Variants in BIRC2 observed in about 807,000 individuals in gnomAD.
BIRC2 encodes baculoviral IAP repeat containing 2.
BIRC2 carries 18 observed loss-of-function variants against 60.9 expected under a neutral mutation model. The observed-to-expected ratio is 0.30, with a 90% CI of 0.20 to 0.44. The LOEUF is 0.44. Ranked by LOEUF, BIRC2 falls within the 20% of genes least tolerant of loss-of-function variation. The probability of loss-of-function intolerance (pLI) is 1.00; values close to 1 mark genes in which losing one functional copy is unlikely to be tolerated. For synonymous variants in BIRC2, 282 were observed against 247.7 expected (o/e 1.14, Z -1.30); for missense variants, 701 against 728.5 (o/e 0.96, Z 0.43).
chr11:102,353,983 A>G (rs1286375259), intron 3 of BIRC2, among the ~76,000 whole-genome samples: 1 of 152,056 alleles, frequency 6.6e-6, no homozygotes, highest in Non-Finnish European at 1.5e-5. Flanking sequence ...TGAAGTCCAG[A>G]AGTTGACTCT....
chr11:102,361,840 C>CTT (rs11225226), intron 3 of BIRC2, among the ~76,000 whole-genome samples: 10,109 of 139,332 alleles, frequency 0.073, 501 homozygotes, highest in African/African-American at 0.13. Flanking sequence ...GTTATTCTCC[C>CTT]TTTTTTTTTT....
intron 3 of BIRC2, among the ~76,000 whole-genome samples, chr11:102,355,725 A>G (rs1951412689): frequency 6.6e-6 from 1 of 152,222 alleles, no homozygotes; most frequent in African/African-American, 2.4e-5. Context: ...CATTTTAACA[A>G]TATTCTTATA....
intron 3 of BIRC2, among the ~76,000 whole-genome samples, chr11:102,354,585 C>A (rs995025684): frequency 6.6e-6 from 1 of 152,184 alleles, no homozygotes; most frequent in Non-Finnish European, 1.5e-5. Context: ...CTCTGAGATA[C>A]TGATTTCATT....
At chr11:102,368,245 T>TA in intron 5 of BIRC2, 61 bp from the exon 6 acceptor site, 1 of 1,540,564 alleles carries the variant, frequency 6.5e-7, no homozygotes, top group Non-Finnish European at 8.8e-7. Flanking sequence ...TGTGCCATGA[T>TA]ACTTTTTTCC....
chr11:102,362,613 C>A, intron 3 of BIRC2: 1 of 281,132 alleles, frequency 3.6e-6, no homozygotes, highest in Non-Finnish European at 6.8e-6. Context: ...TAATAGTGTT[C>A]TTCAGGAGTC....
intron 4 of BIRC2, among the ~76,000 whole-genome samples, 178 bp downstream of exon 4, chr11:102,363,152 G>A (rs1951504940): frequency 6.6e-6 from 1 of 152,056 alleles, no homozygotes; most frequent in African/African-American, 2.4e-5. Flanking sequence ...TTAATTGTAG[G>A]TACATACTTT....
At position 102,378,320 on chromosome 11, in the gene BIRC2, A is replaced by G. The variant is rs1951737357; in HGVS notation, c.*137A>G. ...CATGTTCTAGTCTGCTTTGGTACTA[A>G]TAATCTTGTTTCTGAAAAGATGGTA... On this transcript the variant is annotated 3_prime_UTR_variant, in exon 9 of 9. Coordinates refer to ENST00000227758, the MANE Select transcript of BIRC2 (RefSeq NM_001166.5). 1 of 641,114 alleles carries G rather than the reference A, an allele frequency of 1.6e-6. No individual in the cohort carries two copies. The highest frequency in any genetic ancestry group is 3.0e-5 in the East Asian group (1 of 33,574). 39.7% of individuals were successfully genotyped at this position (641,114 alleles called of 1,614,324 possible).
intron 3 of BIRC2, among the ~76,000 whole-genome samples, chr11:102,357,670 C>G (rs1295194276): frequency 6.6e-6 from 1 of 151,938 alleles, no homozygotes; most frequent in East Asian, 1.9e-4. Flanking sequence ...TTATTTTCGT[C>G]TTCCTTTTTA....
At chr11:102,352,102 C>CTTTTTTTTTTT (rs769740458) in intron 3 of BIRC2, among the ~76,000 whole-genome samples, 1 of 137,560 alleles carries the variant, frequency 7.3e-6, no homozygotes, top group Admixed American at 7.3e-5. Context: ...TTGTCTTTCT[C>CTTTTTTTTTTT]TTTTTTTTTT....
At chr11:102,376,668 T>C (rs1358207963) in intron 6 of BIRC2, among the ~76,000 whole-genome samples, 1 of 152,152 alleles carries the variant, frequency 6.6e-6, no homozygotes, top group African/African-American at 2.4e-5. Context: ...GGAAAAACAT[T>C]GGCTTTTTAA....
intron 3 of BIRC2, among the ~76,000 whole-genome samples, chr11:102,356,564 G>A (rs910574548): frequency 1.3e-5 from 2 of 151,606 alleles, no homozygotes; most frequent in African/African-American, 4.9e-5. Context: ...CTTATGTTGA[G>A]GTATATTCCT....
intron 7 of BIRC2, 44 bp from the exon 8 acceptor site, chr11:102,377,813 T>G: frequency 1.3e-6 from 2 of 1,594,622 alleles, no homozygotes; most frequent in Non-Finnish European, 1.7e-6. Flanking sequence ...GTGGCTCAGT[T>G]TTGTATTTAG....
chr11:102,377,017 G>A (rs186568368), intron 6 of BIRC2, among the ~76,000 whole-genome samples: 6 of 152,142 alleles, frequency 3.9e-5, no homozygotes, highest in Admixed American at 3.9e-4. Context: ...AGGATGCCTG[G>A]TTCTGCAGCT....
At chr11:102,372,322 C>T (rs1951642134) in intron 6 of BIRC2, among the ~76,000 whole-genome samples, 2 of 152,140 alleles carry the variant, frequency 1.3e-5, no homozygotes, top group African/African-American at 4.8e-5. Flanking sequence ...ATAAATTTCC[C>T]TCTACACACT....
intron 6 of BIRC2, among the ~76,000 whole-genome samples, chr11:102,373,769 A>G (rs1262065924): frequency 6.6e-6 from 1 of 151,734 alleles, no homozygotes; most frequent in African/African-American, 2.4e-5. Flanking sequence ...GTGTTTTCCA[A>G]CTTGGTTCCA....
At chr11:102,372,532 T>C (rs866853036) in intron 6 of BIRC2, among the ~76,000 whole-genome samples, 13,549 of 151,610 alleles carry the variant, frequency 0.089, 833 homozygotes, top group Non-Finnish European at 0.14. Context: ...GTCTGAGAGA[T>C]AGTTTGTTAT....
chr11:102,375,669 A>G lies in BIRC2; in HGVS notation c.1367-1827A>G, dbSNP rs1430854440. On this transcript the variant is annotated intron_variant, in intron 6 of 8. Coordinates refer to ENST00000227758, the MANE Select transcript of BIRC2 (RefSeq NM_001166.5). ...GTGGCGGATGCCTGTAGTCCCAGCT[A>G]TTCGGGAGGCTGAGGCAGGAGAATG... Among the ~76,000 whole-genome samples the G allele has an allele frequency of 3.3e-5, 5 of 151,400 alleles. No homozygotes were observed. The East Asian group carries it at 5.9e-4, about 18-fold the overall frequency.
chr11:102,358,438 C>G (rs1254165630), intron 3 of BIRC2, among the ~76,000 whole-genome samples: 1 of 152,130 alleles, frequency 6.6e-6, no homozygotes, highest in Non-Finnish European at 1.5e-5. Flanking sequence ...CTTCTAGTCC[C>G]AAGCATTTCA....
chr11:102,364,117 C>G (rs1416991382), intron 5 of BIRC2, among the ~76,000 whole-genome samples: 1 of 124,348 alleles, frequency 8.0e-6, no homozygotes, highest in Non-Finnish European at 1.6e-5. Flanking sequence ...GGGAAAAATA[C>G]TGGGAAGTCA....
Sources: allele counts gnomAD v4.1 joint callset (sites outside exome capture counted in the v4.1 genomes callset), GRCh38; gene constraint gnomAD v4.1.1; transcripts MANE v1.5; gene names NCBI Gene and HGNC (gene_info 2026-07-23, HGNC 2026-07-21).